Variants in STRAP observed in about 807,000 individuals in gnomAD.
STRAP encodes serine-threonine kinase receptor-associated protein.
STRAP carries 16 observed loss-of-function variants against 47.0 expected under a neutral mutation model. The observed-to-expected ratio is 0.34, with a 90% CI of 0.23 to 0.52. The LOEUF is 0.52. Ranked by LOEUF, STRAP falls within the 20% of genes least tolerant of loss-of-function variation. The pLI is 0.96. For missense variants in STRAP, 293 were observed against 420.0 expected (o/e 0.70, Z 2.64); for synonymous variants, 130 against 142.7 (o/e 0.91, Z 0.63).
rs115136958 is a variant in STRAP at position 15,895,224 on chromosome 12, A to G, written c.501-135A>G. The G allele has an allele frequency of 2.1e-3, 1,478 of 708,548 alleles. 12 individuals carry two copies. In the African/African-American group the frequency reaches 0.024, roughly 12 times the overall value. The allele number at this position is 708,548 out of a possible 1,614,324, so 43.9% of individuals were successfully genotyped here. A position where few individuals can be genotyped will look rare whatever the true frequency, so the allele number is the denominator to read the frequency against. On this transcript the variant is annotated intron_variant, in intron 5 of 9. Coordinates refer to ENST00000419869, the MANE Select transcript of STRAP (RefSeq NM_007178.4). ...CCAGAATTTTTTTTAATCATCTGTAATTTGTGACTTGGAATGAATGTTGTT... is the reference window on the plus strand; with the variant it reads ...CCAGAATTTTTTTTAATCATCTGTAGTTTGTGACTTGGAATGAATGTTGTT...
chr12:15,898,695 A>G (rs1301653711), intron 7 of STRAP, among the ~76,000 whole-genome samples: 1 of 152,146 alleles, frequency 6.6e-6, no homozygotes, highest in East Asian at 1.9e-4. Context: ...TGTGGTTCTC[A>G]GTATCTACTT....
At position 15,887,206 on chromosome 12, in the gene STRAP, G is replaced by A. The variant is rs568264613; in HGVS notation, c.249-2722G>A. On this transcript the variant is annotated intron_variant, in intron 2 of 9. Coordinates refer to ENST00000419869, the MANE Select transcript of STRAP (RefSeq NM_007178.4). The surrounding 1 kb of genome is among the most constrained non-coding windows in gnomAD (Gnocchi z 5.5). ...TAAAAATCTTAAACTGGCCTGTTTT[G>A]TTGAAGGTTTAAATAAGTAAGTTAA... 6.6e-5 allele frequency among the ~76,000 whole-genome samples: 10 copies of A among 152,266 alleles called. No homozygotes were observed. The highest frequency in any genetic ancestry group is 2.4e-4 in the African/African-American group (10 of 41,554).
chr12:15,892,038 A>C (rs1432383510), intron 4 of STRAP, among the ~76,000 whole-genome samples: 1 of 152,204 alleles, frequency 6.6e-6, no homozygotes, highest in African/African-American at 2.4e-5. Flanking sequence ...TCTATACCCA[A>C]CATGTTCTAG....
chr12:15,900,007 A>G lies in STRAP; in HGVS notation c.879A>G (p.Gln293=). ...GSEDGTLRLW[Q]TVVGKTYGLW... ...AAGATGGAACATTGAGACTATGGCA[A>G]ACTGTGGTAGGAAAAACGTATGGCC... The change falls in exon 8 of 10, where the codon CAA becomes CAG. Residue 293 remains glutamine (Q), a synonymous_variant. Transcript: ENST00000419869. 1 of 1,613,888 alleles carries G rather than the reference A, an allele frequency of 6.2e-7. No homozygotes were observed. Among genetic ancestry groups the G allele is most frequent in the South Asian group, 1.1e-5 (1 of 91,066 alleles).
intron 8 of STRAP, 122 bp from the exon 9 acceptor site, chr12:15,900,825 T>G: frequency 1.4e-3 from 843 of 598,676 alleles, no homozygotes; most frequent in East Asian, 2.5e-3. Context: ...AAGGAGTTGT[T>G]TTTATTATAT....
intron 8 of STRAP, 42 bp from the exon 9 acceptor site, chr12:15,900,905 A>G (rs1266919517): frequency 6.7e-7 from 1 of 1,485,214 alleles, no homozygotes; most frequent in Non-Finnish European, 9.0e-7. Flanking sequence ...AATTACTTTA[A>G]TAGTGTAAGT....
At chr12:15,902,866 A>G (rs1948116121) in intron 9 of STRAP, 51 bp from the exon 10 acceptor site, 3 of 1,450,076 alleles carry the variant, frequency 2.1e-6, no homozygotes, top group Non-Finnish European at 1.8e-6. Flanking sequence ...TCTTTCTTTC[A>G]TTAAGTTGAC....
At chr12:15,888,473 T>G (rs1947989052) in intron 2 of STRAP, among the ~76,000 whole-genome samples, 1 of 152,212 alleles carries the variant, frequency 6.6e-6, no homozygotes, top group Non-Finnish European at 1.5e-5. Context: ...TGACATTATT[T>G]CTTTCAGAAC....
intron 4 of STRAP, among the ~76,000 whole-genome samples, chr12:15,893,430 T>C (rs966466367): frequency 1.4e-5 from 2 of 147,320 alleles, no homozygotes; most frequent in Non-Finnish European, 3.0e-5. Flanking sequence ...TTATTATATA[T>C]AAAATACTTT....
Position 15,890,108 on chromosome 12 carries a change from T to G in STRAP, c.330+99T>G. The G allele has an allele frequency of 9.5e-7, 1 of 1,048,788 alleles. No homozygotes were observed. The highest frequency in any genetic ancestry group is 1.5e-6 in the Non-Finnish European group (1 of 688,368). 65.0% of individuals were successfully genotyped at this position (1,048,788 alleles called of 1,614,324 possible). A position where few individuals can be genotyped will look rare whatever the true frequency, so the allele number is the denominator to read the frequency against. The stretch of plus-strand genomic sequence containing the variant: ...TGGTGTGTATATTTGATTGATATGT[T>G]TTGTGTGGAATATTTGTTATTTCTT... On this transcript the variant is annotated intron_variant, in intron 3 of 9. Coordinates refer to ENST00000419869, the MANE Select transcript of STRAP (RefSeq NM_007178.4). The surrounding 1 kb of genome is among the most constrained non-coding windows in gnomAD (Gnocchi z 4.5).
rs1948039721 is a variant in STRAP, at chr12:15,894,040, T to C, written c.404-7T>C. On this transcript the variant is annotated splice_region_variant and splice_polypyrimidine_tract_variant and intron_variant, in intron 4 of 9. Transcript: ENST00000419869. This position sits in a 1 kb window ranked among gnomAD's most constrained non-coding sequence, Gnocchi z 4.9. Reference sequence around the variant, plus strand: ...AACAAATGTACTTTAAATTGTTTTATCTCAAGAACCTAAGGAAATTAGTGG... The same window carrying C: ...AACAAATGTACTTTAAATTGTTTTACCTCAAGAACCTAAGGAAATTAGTGG... 2.5e-6 allele frequency: 4 copies of C among 1,597,960 alleles called. No homozygotes were observed. In the South Asian group the frequency reaches 3.3e-5, roughly 13 times the overall value.
At chr12:15,883,179 T>G in intron 1 of STRAP, 1 of 1,500,802 alleles carries the variant, frequency 6.7e-7, no homozygotes, top group Non-Finnish European at 9.0e-7. Flanking sequence ...GTGCAATACC[T>G]TACAAAGACG....
chr12:15,890,722 A>C lies in STRAP; in HGVS notation c.403+53A>C. The C allele has an allele frequency of 6.9e-7, 1 of 1,442,630 alleles. No homozygotes were observed. The highest frequency in any genetic ancestry group is 9.5e-7 in the Non-Finnish European group (1 of 1,048,104). The allele number at this position is 1,442,630 out of a possible 1,614,324, so 89.4% of individuals were successfully genotyped here. A position where few individuals can be genotyped will look rare whatever the true frequency, so the allele number is the denominator to read the frequency against. On this transcript the variant is annotated intron_variant, in intron 4 of 9. Coordinates refer to ENST00000419869, the MANE Select transcript of STRAP (RefSeq NM_007178.4). This position sits in a 1 kb window ranked among gnomAD's most constrained non-coding sequence, Gnocchi z 4.5. ...AGTTTTATTTTCTTTTAATTTAAAT[A>C]ACTGATTAAAGAATTTCATGCTCAG...
At chr12:15,901,861 A>C (rs1591990814) in intron 9 of STRAP, among the ~76,000 whole-genome samples, 1 of 18,524 alleles carries the variant, frequency 5.4e-5, no homozygotes, top group Admixed American at 7.1e-4. Flanking sequence ...ACTCTGTCTC[A>C]AAAAAAAAAA....
chr12:15,882,916 G>T (rs376845819), intron 1 of STRAP, 97 bp downstream of exon 1: 18 of 1,387,462 alleles, frequency 1.3e-5, no homozygotes, highest in South Asian at 8.7e-5. Context: ...GTGTGGTGAG[G>T]GGGGAGGGGG....
chr12:15,889,581 C>T lies in STRAP; in HGVS notation c.249-347C>T, dbSNP rs1461133814. On this transcript the variant is annotated intron_variant, in intron 2 of 9. Transcript: ENST00000419869. ...ACTAAAAATTGGTTAAAATGTATGA[C>T]AGGCTTGCTAAAGGGATATTATGGC... Among the ~76,000 whole-genome samples the T allele has an allele frequency of 2.0e-5, 3 of 152,148 alleles. No individual in the cohort carries two copies. The East Asian group carries it at 5.8e-4, about 29-fold the overall frequency.
chr12:15,893,814 A>G (rs1344655054), intron 4 of STRAP, among the ~76,000 whole-genome samples: 1 of 151,844 alleles, frequency 6.6e-6, no homozygotes, highest in Non-Finnish European at 1.5e-5. Flanking sequence ...TCACTCAGCT[A>G]CATATAGCAA....
Position 15,896,215 on chromosome 12 carries a change from CAG to C in STRAP, c.638+722_638+723del, listed in dbSNP as rs1948058187. Among the ~76,000 whole-genome samples, 1 of 151,974 alleles carries C rather than the reference CAG, an allele frequency of 6.6e-6. No individual in the cohort carries two copies. Among genetic ancestry groups the C allele is most frequent in the African/African-American group, 2.4e-5 (1 of 41,362 alleles). On this transcript the variant is annotated intron_variant, in intron 6 of 9. Transcript: ENST00000419869. The surrounding 1 kb of genome is among the most constrained non-coding windows in gnomAD (Gnocchi z 4.1). Reference sequence around the variant, plus strand: ...CACCACTGCATTCCAGCCTGGGTAACAGAGTGAGACTCTGTCTCAAAAAAAAC... The same window carrying C: ...CACCACTGCATTCCAGCCTGGGTAACAGTGAGACTCTGTCTCAAAAAAAAC...
At chr12:15,897,495 CTT>C (rs935495405) in intron 6 of STRAP, among the ~76,000 whole-genome samples, 6 of 152,000 alleles carry the variant, frequency 3.9e-5, no homozygotes, top group African/African-American at 7.2e-5. Flanking sequence ...ACTGTGAAAA[CTT>C]TTTCTGTTTA....
Sources: gnomAD v4.1 joint callset for allele counts (sites outside exome capture counted in the v4.1 genomes callset) on GRCh38, gnomAD v4.1.1 for gene constraint, Gnocchi (gnomAD v3.1) non-coding constraint, MANE v1.5 for transcripts, NCBI Gene and HGNC (gene_info 2026-07-23, HGNC 2026-07-21) for gene names.